Variants in MAP4K5 observed in about 807,000 individuals in gnomAD.
MAP4K5 encodes the protein mitogen-activated protein kinase kinase kinase kinase 5, also known as MAPK/ERK kinase kinase kinase 5.
Under a neutral mutation model 135.6 loss-of-function variants are expected in MAP4K5, and 82 were observed. The ratio of observed to expected loss-of-function variants is 0.60; its 90% CI spans 0.51 to 0.73. The LOEUF is 0.73. MAP4K5 is among the 30% of genes least tolerant of loss of function. The pLI, the probability that MAP4K5 is intolerant of heterozygous loss-of-function variation, is 0.00. For synonymous variants in MAP4K5, 347 were observed against 335.0 expected (o/e 1.04, Z -0.39); for missense variants, 907 against 1,010.9 (o/e 0.90, Z 1.39).
chr14:50,446,161 G>A (rs780516209), intron 16 of MAP4K5, 40 bp from the exon 17 acceptor site: 2 of 1,300,238 alleles, frequency 1.5e-6, no homozygotes, highest in Non-Finnish European at 1.1e-6. Flanking sequence ...GATGATAAAT[G>A]ACCGTAACCG....
intron 29 of MAP4K5, 134 bp from the exon 30 acceptor site, chr14:50,428,888 TGCCAAA>T: frequency 1.6e-6 from 1 of 634,634 alleles, no homozygotes; most frequent in African/African-American, 1.9e-5. Flanking sequence ...GAGTCAGGTA[TGCCAAA>T]TGGCAAAAAA....
intron 26 of MAP4K5, among the ~76,000 whole-genome samples, chr14:50,436,384 T>TAATG (rs2036093231): frequency 6.6e-6 from 1 of 152,118 alleles, no homozygotes; most frequent in African/African-American, 2.4e-5. Context: ...AATATAACAA[T>TAATG]AATGATTCAG....
intron 3 of MAP4K5, among the ~76,000 whole-genome samples, chr14:50,495,075 A>G (rs1345608350): frequency 6.6e-6 from 1 of 152,248 alleles, no homozygotes; most frequent in Non-Finnish European, 1.5e-5. Context: ...AGACGAGACT[A>G]CAAATGAAAT....
chr14:50,476,072 T>A (rs2037090682), intron 8 of MAP4K5, 56 bp downstream of exon 8: 1 of 916,254 alleles, frequency 1.1e-6, no homozygotes, highest in Admixed American at 3.3e-5. Context: ...TATAAAAATT[T>A]TATTAAAATG....
At chr14:50,486,238 T>G in intron 3 of MAP4K5, 44 bp from the exon 4 acceptor site, 1 of 682,746 alleles carries the variant, frequency 1.5e-6, no homozygotes, top group Non-Finnish European at 2.5e-6. Flanking sequence ...TCAAAATCTC[T>G]ACATATGAAA....
chr14:50,560,179 G>C (rs1166421944), intron 1 of MAP4K5: 1 of 1,538,620 alleles, frequency 6.5e-7, no homozygotes, highest in African/African-American at 1.4e-5. Context: ...CGCGGGCACG[G>C]AGCCTCCCAC....
Position 50,448,818 on chromosome 14 carries a change from AT to A in MAP4K5, c.1029del (p.Gln343HisfsTer6), listed in dbSNP as rs1419003397. On this transcript the variant is annotated frameshift_variant, in exon 15 of 33. Transcript: ENST00000682126. LOFTEE classifies it high-confidence loss of function. The part of the protein sequence containing the change: ...TASEINFDKL[Q>X]FEPPLRKETE... ...GTTTCTTTTCTCAGAGGAGGTTCAAATTGTAATTTGTCAACTGCAAAATATA... is the reference window on the plus strand; with the variant it reads ...GTTTCTTTTCTCAGAGGAGGTTCAAATGTAATTTGTCAACTGCAAAATATA... The A allele has an allele frequency of 1.9e-6, 3 of 1,544,020 alleles. No homozygotes were observed. The highest frequency in any genetic ancestry group is 2.6e-6 in the Non-Finnish European group (3 of 1,135,510).
intron 2 of MAP4K5, among the ~76,000 whole-genome samples, chr14:50,540,230 G>T (rs999011248): frequency 6.6e-6 from 1 of 152,188 alleles, no homozygotes; most frequent in Non-Finnish European, 1.5e-5. Context: ...AGGATAGGTG[G>T]TGCTATCCTA....
chr14:50,526,045 C>A (rs866016205), intron 2 of MAP4K5, among the ~76,000 whole-genome samples: 1 of 152,176 alleles, frequency 6.6e-6, no homozygotes, highest in African/African-American at 2.4e-5. Context: ...AAACTCATCA[C>A]GGCTTCTCAA....
chr14:50,454,404 G>A (rs1022101710), intron 14 of MAP4K5, among the ~76,000 whole-genome samples: 3 of 152,022 alleles, frequency 2.0e-5, no homozygotes, highest in African/African-American at 7.2e-5. Context: ...ATTTACCCTG[G>A]AGTATTCGTA....
chr14:50,549,753 G>A (rs1032432062), intron 1 of MAP4K5, among the ~76,000 whole-genome samples: 5 of 152,044 alleles, frequency 3.3e-5, no homozygotes, highest in African/African-American at 1.2e-4. Context: ...ACAGGGGCAG[G>A]ACTCACAGAA....
At chr14:50,497,741 T>A (rs2037624095) in intron 3 of MAP4K5, among the ~76,000 whole-genome samples, 1 of 152,236 alleles carries the variant, frequency 6.6e-6, no homozygotes. Context: ...GATTCCTATT[T>A]ATTTCAAAAA....
At chr14:50,518,063 C>G (rs1052954881) in intron 2 of MAP4K5, among the ~76,000 whole-genome samples, 3 of 152,092 alleles carry the variant, frequency 2.0e-5, no homozygotes, top group African/African-American at 7.2e-5. Context: ...CCCTGAGTTT[C>G]AATGGGGCAG....
chr14:50,457,227 G>T (rs2036610692), intron 13 of MAP4K5, among the ~76,000 whole-genome samples: 1 of 152,128 alleles, frequency 6.6e-6, no homozygotes, highest in Non-Finnish European at 1.5e-5. Flanking sequence ...GTCAGCCTGG[G>T]GCTCTTCACC....
At chr14:50,430,871 C>A (rs2035953754) in intron 28 of MAP4K5, among the ~76,000 whole-genome samples, 1 of 152,138 alleles carries the variant, frequency 6.6e-6, no homozygotes, top group African/African-American at 2.4e-5. Context: ...GTGAGGGAAA[C>A]TGAAAGTGGG....
At chr14:50,423,047 CAG>C (rs1386682787) in intron 32 of MAP4K5, 72 bp downstream of exon 32, 1 of 657,926 alleles carries the variant, frequency 1.5e-6, no homozygotes, top group Non-Finnish European at 2.6e-6. Context: ...GAAACAATTA[CAG>C]ACTGACAGTA....
chr14:50,496,999 T>C (rs1451992907), intron 3 of MAP4K5, among the ~76,000 whole-genome samples: 1 of 152,194 alleles, frequency 6.6e-6, no homozygotes, highest in African/African-American at 2.4e-5. Context: ...GATACATTTC[T>C]GAAGTTTATG....
intron 13 of MAP4K5, among the ~76,000 whole-genome samples, chr14:50,458,365 C>T (rs1209408435): frequency 6.6e-6 from 1 of 152,084 alleles, no homozygotes; most frequent in Non-Finnish European, 1.5e-5. Context: ...GCAATGCCCC[C>T]CACCACACAC....
At chr14:50,530,658 T>C (rs1164037700) in intron 2 of MAP4K5, among the ~76,000 whole-genome samples, 1 of 152,218 alleles carries the variant, frequency 6.6e-6, no homozygotes, top group East Asian at 1.9e-4. Context: ...GTTACAAACA[T>C]ACACTTTGAG....
Sources: allele counts gnomAD v4.1 joint callset (sites outside exome capture counted in the v4.1 genomes callset), GRCh38; gene constraint gnomAD v4.1.1; transcripts MANE v1.5; gene names NCBI Gene and HGNC (gene_info 2026-07-23, HGNC 2026-07-21).